Variants in SLC25A20 observed in about 807,000 individuals in gnomAD.
The protein encoded by SLC25A20 is mitochondrial carnitine/acylcarnitine carrier protein.
A neutral mutation model predicts 39.7 loss-of-function variants in SLC25A20; 29 were observed. That is an observed-to-expected ratio of 0.73 (90% confidence interval 0.54 to 1.00). The LOEUF (loss-of-function observed/expected upper bound fraction) is 1.00, where lower values mean the gene tolerates loss of function less well. Among genes scored for constraint, SLC25A20 ranks in the 50% least tolerant of loss-of-function variants. The pLI is 0.00. For missense variants in SLC25A20, 333 were observed against 379.9 expected, an observed-to-expected ratio of 0.88 and a Z score of 1.03; for synonymous variants, 103 against 142.2, an observed-to-expected ratio of 0.72 and a Z score of 1.96.
chr3:48,884,086 G>A lies in SLC25A20; in HGVS notation c.237C>T (p.Ile79=). 6.2e-7 allele frequency: 1 copy of A among 1,613,880 alleles called. No homozygotes were observed. Residue 79 remains isoleucine (I), a synonymous_variant, in exon 3 of 9, where the codon ATC becomes ATT. Coordinates refer to ENST00000319017, the MANE Select transcript of SLC25A20 (RefSeq NM_000387.6). ...TGLYRGMAAP[I]IGVTPMFAVC... ...CGGCAAACATGGGAGTGACCCCGAT[G>A]ATAGGGGCAGCCATTCCCCGATATA...
intron 4 of SLC25A20, among the ~76,000 whole-genome samples, chr3:48,876,375 T>C (rs2083757208): frequency 6.6e-6 from 1 of 151,966 alleles, no homozygotes; most frequent in Admixed American, 6.6e-5. Context: ...CCAAAGACTT[T>C]ACATACTGTA....
At chr3:48,888,162 G>A (rs2083846004) in intron 2 of SLC25A20, among the ~76,000 whole-genome samples, 2 of 139,394 alleles carry the variant, frequency 1.4e-5, no homozygotes, top group African/African-American at 5.4e-5. Flanking sequence ...AGCCAAGATC[G>A]GACCACTGCA....
chr3:48,893,765 T>C (rs535176379), intron 1 of SLC25A20, among the ~76,000 whole-genome samples: 6 of 141,732 alleles, frequency 4.2e-5, no homozygotes, highest in Non-Finnish European at 7.5e-5. Flanking sequence ...CCTGGACTCA[T>C]ACAATCTGCC....
chr3:48,867,599 C>G (rs1483579931), intron 4 of SLC25A20, among the ~76,000 whole-genome samples: 1 of 150,776 alleles, frequency 6.6e-6, no homozygotes, highest in African/African-American at 2.4e-5. Flanking sequence ...ATGTTTATGC[C>G]TTTATTCCTG....
At chr3:48,862,408 T>G in intron 5 of SLC25A20, 134 bp downstream of exon 5, 1 of 736,792 alleles carries the variant, frequency 1.4e-6, no homozygotes, top group African/African-American at 1.7e-5. Flanking sequence ...GGGGAGATGC[T>G]TACTGCCAGT....
At chr3:48,896,909 ACTC>A (rs1448287427) in intron 1 of SLC25A20, among the ~76,000 whole-genome samples, 1 of 151,264 alleles carries the variant, frequency 6.6e-6, no homozygotes, top group Non-Finnish European at 1.5e-5. Context: ...GGGTCTCCCT[ACTC>A]CTTCAGTCTG....
At chr3:48,864,198 C>T (rs1455086242) in intron 4 of SLC25A20, among the ~76,000 whole-genome samples, 1 of 149,144 alleles carries the variant, frequency 6.7e-6, no homozygotes, top group Non-Finnish European at 1.5e-5. Flanking sequence ...AAATACAAAA[C>T]TTAGCTGGGC....
intron 4 of SLC25A20, among the ~76,000 whole-genome samples, chr3:48,873,968 C>CAAAAAAAAAAAAAAAAAAAAAAAAA (rs11316117): frequency 2.4e-5 from 1 of 41,076 alleles, no homozygotes; most frequent in Non-Finnish European, 4.3e-5. Context: ...GACTCCATCT[C>CAAAAAAAAAAAAAAAAAAAAAAAAA]AAAAAAAAAA....
chr3:48,865,503 T>C (rs1000381560), intron 4 of SLC25A20, among the ~76,000 whole-genome samples: 1 of 150,640 alleles, frequency 6.6e-6, no homozygotes, highest in East Asian at 2.0e-4. Context: ...GACTTACTCC[T>C]GTAATCTCAG....
At chr3:48,887,772 G>T (rs1390288206) in intron 2 of SLC25A20, among the ~76,000 whole-genome samples, 1 of 152,090 alleles carries the variant, frequency 6.6e-6, no homozygotes, top group East Asian at 1.9e-4. Flanking sequence ...CATGGTGGCA[G>T]ACGCTTGTAG....
rs559474609 is a variant in SLC25A20, at chr3:48,877,750, A to C, written c.417+1608T>G. Reference sequence around the variant, plus strand: ...CTCAAAAAAAAAGAAATAAAGAAAGAAAAGAAAAGAGAAAGAAAAAAAAGA... The same window carrying C: ...CTCAAAAAAAAAGAAATAAAGAAAGCAAAGAAAAGAGAAAGAAAAAAAAGA... On this transcript the variant is annotated intron_variant, in intron 4 of 8. Coordinates refer to ENST00000319017, the MANE Select transcript of SLC25A20 (RefSeq NM_000387.6). Among the ~76,000 whole-genome samples the C allele has an allele frequency of 5.9e-5, 9 of 152,116 alleles. No homozygotes were observed. The South Asian group carries it at 6.2e-4, about 11-fold the overall frequency.
intron 1 of SLC25A20, among the ~76,000 whole-genome samples, chr3:48,892,322 C>T (rs926915915): frequency 3.2e-4 from 48 of 152,272 alleles, no homozygotes; most frequent in Non-Finnish European, 6.2e-4. Flanking sequence ...AGTTCATAGA[C>T]ATTTGTGTTT....
intron 1 of SLC25A20, among the ~76,000 whole-genome samples, chr3:48,896,234 G>A (rs773695044): frequency 1.3e-4 from 19 of 151,004 alleles, no homozygotes; most frequent in Non-Finnish European, 2.4e-4. Flanking sequence ...AGAATGGAGT[G>A]CAAAGGCTCA....
chr3:48,862,750 T>C, intron 4 of SLC25A20, 91 bp from the exon 5 acceptor site: 1 of 818,560 alleles, frequency 1.2e-6, no homozygotes, highest in Non-Finnish European at 2.2e-6. Context: ...ATGGCCATTA[T>C]GTGTTACAGC....
chr3:48,857,614 C>G lies in SLC25A20; in HGVS notation c.*96G>C. ...AGGGCTCGGATCTCACCATTCCCCT[C>G]CCCTTGCCCTCCAAGACTGCTTAGT... On this transcript the variant is annotated 3_prime_UTR_variant, in exon 9 of 9. Coordinates refer to ENST00000319017, the MANE Select transcript of SLC25A20 (RefSeq NM_000387.6). 8.9e-7 allele frequency: 1 copy of G among 1,127,520 alleles called. No homozygotes were observed. Among genetic ancestry groups the G allele is most frequent in the African/African-American group, 1.5e-5 (1 of 65,944 alleles). The allele number at this position is 1,127,520 out of a possible 1,614,324, so 69.8% of individuals were successfully genotyped here. A position where few individuals can be genotyped will look rare whatever the true frequency, so the allele number is the denominator to read the frequency against.
intron 1 of SLC25A20, among the ~76,000 whole-genome samples, chr3:48,897,197 T>A (rs528115547): frequency 5.3e-5 from 8 of 151,388 alleles, no homozygotes; most frequent in Non-Finnish European, 1.0e-4. Context: ...GGTTTTGGTT[T>A]AAGCTAAAAA....
chr3:48,894,086 G>A (rs1187080291), intron 1 of SLC25A20, among the ~76,000 whole-genome samples: 1 of 150,308 alleles, frequency 6.7e-6, no homozygotes, highest in South Asian at 2.1e-4. Context: ...GCTTGAACCC[G>A]GGAGGCAGAG....
rs190286175 is a variant in SLC25A20, at chr3:48,861,118, C to T, written c.535+1424G>A. 1.2e-4 allele frequency among the ~76,000 whole-genome samples: 18 copies of T among 152,106 alleles called. No individual in the cohort carries two copies. In the East Asian group the frequency reaches 3.1e-3, roughly 26 times the overall value. On this transcript the variant is annotated intron_variant, in intron 5 of 8. Transcript: ENST00000319017. ...CTGGGATTACAGGGGTGAGCCACCA[C>T]GCCCAGCTATTATTATTTTAATAGA...
chr3:48,878,796 T>C, intron 4 of SLC25A20, among the ~76,000 whole-genome samples: 1 of 132,836 alleles, frequency 7.5e-6, no homozygotes, highest in African/African-American at 2.8e-5. Context: ...CAAGACCCCA[T>C]CTCAAAAAAA....
Sources: allele counts gnomAD v4.1 joint callset (sites outside exome capture counted in the v4.1 genomes callset), GRCh38; gene constraint gnomAD v4.1.1; transcripts MANE v1.5; gene names NCBI Gene and HGNC (gene_info 2026-07-23, HGNC 2026-07-21).